RGS6: variants seen among roughly 807,000 people sequenced by gnomAD.
RGS6 encodes the protein regulator of G-protein signaling 6.
In RGS6, 30 loss-of-function variants were observed where a neutral mutation model predicts 78.5. The ratio of observed to expected loss-of-function variants is 0.38; its 90% confidence interval spans 0.29 to 0.52. The LOEUF is 0.52. RGS6 is among the 20% of genes least tolerant of loss of function. The probability of loss-of-function intolerance (pLI) is 0.85; values close to 1 mark genes in which losing one functional copy is unlikely to be tolerated. For missense variants in RGS6, 495 were observed against 609.7 expected, an observed-to-expected ratio of 0.81 and a Z score of 1.98; for synonymous variants, 206 against 206.0, an observed-to-expected ratio of 1.00 and a Z score of 0.00.
At chr14:72,458,064 G>A (rs566456698) in intron 4 of RGS6, among the ~76,000 whole-genome samples, 1 of 152,264 alleles carries the variant, frequency 6.6e-6, no homozygotes. Context: ...GACTCTCAGA[G>A]GTGGGATTCA....
At chr14:72,348,992 C>T (rs1369935853) in intron 2 of RGS6, among the ~76,000 whole-genome samples, 1 of 152,008 alleles carries the variant, frequency 6.6e-6, no homozygotes, top group East Asian at 1.9e-4. Context: ...TGGTGAAACC[C>T]TGTCTCTACT....
intron 2 of RGS6, among the ~76,000 whole-genome samples, chr14:72,227,084 C>G (rs993866515): frequency 6.6e-6 from 1 of 152,154 alleles, no homozygotes; most frequent in Non-Finnish European, 1.5e-5. Flanking sequence ...TTTCAAAGAA[C>G]TTGATTCTTG....
At chr14:72,243,342 TC>T (rs1442531833) in intron 2 of RGS6, among the ~76,000 whole-genome samples, 1 of 27,892 alleles carries the variant, frequency 3.6e-5, no homozygotes, top group Non-Finnish European at 7.5e-5. Flanking sequence ...GAATCTCAGT[TC>T]CTTGAATCTT....
At chr14:72,167,766 A>G (rs17768901) in intron 2 of RGS6, among the ~76,000 whole-genome samples, 9,517 of 152,364 alleles carry the variant, frequency 0.062, 318 homozygotes, top group Non-Finnish European at 0.074. Context: ...GTAGGCAAAT[A>G]AAAACATTAT....
At chr14:72,191,235 T>C (rs1599158944) in intron 2 of RGS6, among the ~76,000 whole-genome samples, 1 of 152,200 alleles carries the variant, frequency 6.6e-6, no homozygotes, top group African/African-American at 2.4e-5. Context: ...ATAAATAATA[T>C]TTAATGCACT....
At chr14:72,001,646 T>G (rs968939791) in intron 2 of RGS6, among the ~76,000 whole-genome samples, 1 of 152,096 alleles carries the variant, frequency 6.6e-6, no homozygotes, top group African/African-American at 2.4e-5. Context: ...ACACCTTGGT[T>G]TGTGGCTTCC....
chr14:71,906,636 A>G, the RGS6 span, among the ~76,000 whole-genome samples: 2 of 152,194 alleles, frequency 1.3e-5, no homozygotes, highest in African/African-American at 4.8e-5. Flanking sequence ...GAGAGTGCCC[A>G]AGACTTCATC....
At chr14:72,250,034 G>A (rs1478303378) in intron 2 of RGS6, among the ~76,000 whole-genome samples, 1 of 136,280 alleles carries the variant, frequency 7.3e-6, no homozygotes, top group African/African-American at 2.8e-5. Flanking sequence ...GGTGGGAATT[G>A]AACAGTGAGA....
In RGS6 at chr14:71,977,097, T is replaced by G. The variant is rs1462659660; in HGVS notation, c.84+12222T>G. On this transcript the variant is annotated intron_variant, in intron 2 of 17. Coordinates refer to ENST00000553525, the MANE Select transcript of RGS6 (RefSeq NM_001204424.2). ...GTCTGTTCATGTCCTTCGTCCACTTTTTGATGGGGTGGTTTGTTTTTTTCT... is the reference window on the plus strand; with the variant it reads ...GTCTGTTCATGTCCTTCGTCCACTTGTTGATGGGGTGGTTTGTTTTTTTCT... 2.4e-3 allele frequency among the ~76,000 whole-genome samples: 284 copies of G among 118,322 alleles called. 3 individuals are homozygous for G. Among genetic ancestry groups the G allele is most frequent in the African/African-American group, 8.4e-3 (276 of 32,752 alleles). The allele number at this position is 118,322 out of a possible 152,430, so 77.6% of individuals were successfully genotyped here.
chr14:72,522,390 A>G (rs949291951), intron 15 of RGS6, among the ~76,000 whole-genome samples: 2 of 152,228 alleles, frequency 1.3e-5, no homozygotes, highest in Admixed American at 1.3e-4. Flanking sequence ...GAGACACAAC[A>G]TTCATTCCAC....
At chr14:72,027,457 G>A (rs2090098027) in intron 2 of RGS6, among the ~76,000 whole-genome samples, 1 of 152,132 alleles carries the variant, frequency 6.6e-6, no homozygotes, top group Non-Finnish European at 1.5e-5. Flanking sequence ...GACAATGTGA[G>A]TCAGTACACC....
chr14:72,230,471 C>G (rs1167531524), intron 2 of RGS6, among the ~76,000 whole-genome samples: 1 of 152,120 alleles, frequency 6.6e-6, no homozygotes, highest in Non-Finnish European at 1.5e-5. Flanking sequence ...AGAGAGATCA[C>G]AAGGACAGTG....
At chr14:72,146,721 C>A (rs1390111294) in intron 2 of RGS6, among the ~76,000 whole-genome samples, 1 of 152,182 alleles carries the variant, frequency 6.6e-6, no homozygotes, top group Non-Finnish European at 1.5e-5. Flanking sequence ...TATTGTCTCC[C>A]AAACATGCTT....
At chr14:72,299,073 C>T (rs1020060897) in intron 2 of RGS6, among the ~76,000 whole-genome samples, 1 of 152,092 alleles carries the variant, frequency 6.6e-6, no homozygotes, top group East Asian at 1.9e-4. Flanking sequence ...TAAATTTGTT[C>T]ATACAATTTC....
intron 2 of RGS6, among the ~76,000 whole-genome samples, chr14:72,032,744 TGTTCTCAAG>T (rs2091099136): frequency 6.6e-6 from 1 of 152,186 alleles, no homozygotes; most frequent in South Asian, 2.1e-4. Flanking sequence ...CTTAGCATAA[TGTTCTCAAG>T]GTTCATCTAT....
intron 2 of RGS6, among the ~76,000 whole-genome samples, chr14:72,068,091 G>A (rs887327502): frequency 1.3e-5 from 2 of 151,904 alleles, no homozygotes; most frequent in South Asian, 4.1e-4. Context: ...CTGGGAAAGT[G>A]AGCCCAGATT....
chr14:72,028,242 G>A (rs911250707), intron 2 of RGS6, among the ~76,000 whole-genome samples: 5 of 152,148 alleles, frequency 3.3e-5, no homozygotes, highest in African/African-American at 9.7e-5. Context: ...TGGATATTTC[G>A]AGGATATGTT....
chr14:72,064,847 TAA>T (rs953490021), intron 2 of RGS6, among the ~76,000 whole-genome samples: 1 of 152,170 alleles, frequency 6.6e-6, no homozygotes, highest in Non-Finnish European at 1.5e-5. Context: ...CATCAGTGAT[TAA>T]AAAAACAACT....
the RGS6 span, among the ~76,000 whole-genome samples, chr14:72,595,711 A>G: frequency 6.6e-6 from 1 of 152,212 alleles, no homozygotes. Flanking sequence ...TGTTTATTTA[A>G]TTGATGGCCT....
Sources: gnomAD v4.1 joint callset for allele counts (sites outside exome capture counted in the v4.1 genomes callset) on GRCh38, gnomAD v4.1.1 for gene constraint, MANE v1.5 for transcripts, NCBI Gene and HGNC (gene_info 2026-07-23, HGNC 2026-07-21) for gene names.